The following CHRM2 variants were observed in gnomAD, a reference collection of about 807,000 sequenced individuals.
CHRM2 encodes the protein muscarinic acetylcholine receptor M2.
CHRM2 carries 8 observed loss-of-function variants against 25.0 expected under a neutral mutation model. The observed-to-expected ratio is 0.32, with a 90% confidence interval of 0.19 to 0.58. The LOEUF is 0.58. Among genes scored for constraint, CHRM2 ranks in the 20% least tolerant of loss-of-function variants. The pLI is 0.88. For missense variants in CHRM2, 440 were observed against 567.1 expected, an observed-to-expected ratio of 0.78 and a Z score of 2.28; for synonymous variants, 202 against 205.7, an observed-to-expected ratio of 0.98 and a Z score of 0.15.
At chr7:136,882,495 C>T (rs1014343387) in intron 2 of CHRM2, among the ~76,000 whole-genome samples, 5 of 151,780 alleles carry the variant, frequency 3.3e-5, no homozygotes. Flanking sequence ...ATTCTTGGCA[C>T]ATAGCAGAGC....
chr7:136,903,410 C>T lies in CHRM2; in HGVS notation c.-125+33992C>T, dbSNP rs866756637. The T allele has an allele frequency of 5.0e-5, 16 of 317,356 alleles. No individual in the cohort carries two copies. In the Middle Eastern group the frequency reaches 6.8e-3, roughly 135 times the overall value. 19.7% of individuals were successfully genotyped at this position (317,356 alleles called of 1,614,324 possible). On this transcript the variant is annotated intron_variant, in intron 2 of 3. Coordinates refer to ENST00000680005, the MANE Select transcript of CHRM2 (RefSeq NM_001006630.2). ...AATGGGAACAAAATTCACACCTCAG[C>T]ATCCAAGTATTTGTTATTTTTGTGG...
intron 3 of CHRM2, among the ~76,000 whole-genome samples, chr7:137,006,805 C>T (rs1260198785): frequency 2.0e-5 from 3 of 151,902 alleles, no homozygotes; most frequent in South Asian, 4.1e-4. Context: ...AATCTGCCGC[C>T]GTATGCTGTA....
At chr7:136,995,410 T>G (rs563614570) in intron 3 of CHRM2, among the ~76,000 whole-genome samples, 1 of 152,158 alleles carries the variant, frequency 6.6e-6, no homozygotes, top group Non-Finnish European at 1.5e-5. Flanking sequence ...TAAAAAATAT[T>G]TCTTGATATG....
intron 3 of CHRM2, among the ~76,000 whole-genome samples, chr7:136,998,602 G>T (rs573277399): frequency 6.6e-6 from 1 of 152,254 alleles, no homozygotes; most frequent in Admixed American, 6.5e-5. Context: ...CAAACTCAGA[G>T]AAATGAAATA....
Position 136,978,523 on chromosome 7 carries a change from A to G in CHRM2, c.-124-13664A>G, listed in dbSNP as rs950308994. Among the ~76,000 whole-genome samples, 24 of 152,160 alleles carry G rather than the reference A, an allele frequency of 1.6e-4. 1 individual carries two copies. The highest frequency in any genetic ancestry group is 5.6e-4 in the African/African-American group (23 of 41,424). Reference sequence around the variant, plus strand: ...ACGTGCAGGTTTGTTACATAGGTATACATGTGCCATGGTGGTTTGCTGCAC... The same window carrying G: ...ACGTGCAGGTTTGTTACATAGGTATGCATGTGCCATGGTGGTTTGCTGCAC... On this transcript the variant is annotated intron_variant, in intron 2 of 3. Coordinates refer to ENST00000680005, the MANE Select transcript of CHRM2 (RefSeq NM_001006630.2).
chr7:136,903,173 C>A lies in CHRM2; in HGVS notation c.-125+33755C>A, dbSNP rs375768209. ...AGGATCTCCCTTCACTTTATGGAGG[C>A]CTTGCTGGTTTGGAAAGTTCATTGT... On this transcript the variant is annotated intron_variant, in intron 2 of 3. Transcript: ENST00000680005. The A allele has an allele frequency of 1.3e-5, 7 of 534,034 alleles. No homozygotes were observed. The East Asian group carries it at 1.6e-4, about 12-fold the overall frequency. The allele number at this position is 534,034 out of a possible 1,614,324, so 33.1% of individuals were successfully genotyped here. A position where few individuals can be genotyped will look rare whatever the true frequency, so the allele number is the denominator to read the frequency against.
At position 136,994,521 on chromosome 7, in the gene CHRM2, C is replaced by CTTTTTT. The variant is rs757243972; in HGVS notation, c.-47+2278_-47+2283dup. 3.2e-3 allele frequency among the ~76,000 whole-genome samples: 226 copies of CTTTTTT among 71,356 alleles called. 1 individual carries two copies. Among genetic ancestry groups the CTTTTTT allele is most frequent in the Non-Finnish European group, 4.6e-3 (165 of 35,822 alleles). The allele number at this position is 71,356 out of a possible 152,430, so 46.8% of individuals were successfully genotyped here. On this transcript the variant is annotated intron_variant, in intron 3 of 3. Coordinates refer to ENST00000680005, the MANE Select transcript of CHRM2 (RefSeq NM_001006630.2). ...GTGCTTTCTGCTCTTTTTTTCTTTT[C>CTTTTTT]TTTTTTTTTTTTTTTTTTTTTTTTT...
At chr7:136,976,610 T>A (rs1413875827) in intron 2 of CHRM2, among the ~76,000 whole-genome samples, 2 of 152,124 alleles carry the variant, frequency 1.3e-5, no homozygotes, top group African/African-American at 4.8e-5. Flanking sequence ...TAGGACAAAA[T>A]AAAGGGAAAA....
chr7:136,942,620 A>C (rs1223805609), intron 2 of CHRM2, among the ~76,000 whole-genome samples: 1 of 152,052 alleles, frequency 6.6e-6, no homozygotes, highest in Non-Finnish European at 1.5e-5. Flanking sequence ...TTACCCTTTC[A>C]TTTAACACAT....
At chr7:136,920,750 T>C (rs1798383841) in intron 2 of CHRM2, among the ~76,000 whole-genome samples, 1 of 152,168 alleles carries the variant, frequency 6.6e-6, no homozygotes, top group African/African-American at 2.4e-5. Flanking sequence ...AAAAAGCCTC[T>C]AGTGACTCAG....
rs1795703091 is a variant in CHRM2, at chr7:136,868,970, T to G, written c.-305T>G. On this transcript the variant is annotated 5_prime_UTR_variant, in exon 1 of 4. Transcript: ENST00000680005. Reference sequence around the variant, plus strand: ...TCCAGGTCTCCATTCTATTTTGGTCTCCAGGCTCTTCGTGAAAGCCAGGTT... The same window carrying G: ...TCCAGGTCTCCATTCTATTTTGGTCGCCAGGCTCTTCGTGAAAGCCAGGTT... 1.3e-5 allele frequency: 2 copies of G among 152,462 alleles called. No individual in the cohort carries two copies. Among genetic ancestry groups the G allele is most frequent in the East Asian group, 3.9e-4 (2 of 5,176 alleles). 9.4% of individuals were successfully genotyped at this position (152,462 alleles called of 1,614,324 possible).
intron 2 of CHRM2, among the ~76,000 whole-genome samples, chr7:136,882,585 C>T (rs1426041404): frequency 1.3e-5 from 2 of 152,072 alleles, no homozygotes; most frequent in Non-Finnish European, 2.9e-5. Flanking sequence ...CAATCTGCTT[C>T]TTCTGTTGGT....
chr7:137,013,347 AT>A (rs1804951311), intron 3 of CHRM2, among the ~76,000 whole-genome samples: 1 of 151,924 alleles, frequency 6.6e-6, no homozygotes, highest in Non-Finnish European at 1.5e-5. Flanking sequence ...AGAAAAAATT[AT>A]TTTTTTAAAT....
intron 2 of CHRM2, among the ~76,000 whole-genome samples, chr7:136,900,716 TA>T (rs553501355): frequency 6.6e-6 from 1 of 151,996 alleles, no homozygotes; most frequent in Non-Finnish European, 1.5e-5. Context: ...ATCTTTTTTT[TA>T]AAAAAAGAAT....
rs377626973 is a variant in CHRM2 at position 137,014,899 on chromosome 7, C to T, written c.34C>T (p.Leu12=). The change falls in exon 4 of 4, where the codon CTG becomes TTG. Residue 12 remains leucine, a synonymous_variant. Coordinates refer to ENST00000680005, the MANE Select transcript of CHRM2 (RefSeq NM_001006630.2). ...CTCAACAAACTCCTCTAACAATAGCCTGGCTCTTACAAGTCCTTATAAGAC... is the reference window on the plus strand; with the variant it reads ...CTCAACAAACTCCTCTAACAATAGCTTGGCTCTTACAAGTCCTTATAAGAC... ...NNSTNSSNNS[L]ALTSPYKTFE... 44 of 1,613,036 alleles carry T rather than the reference C, an allele frequency of 2.7e-5. No homozygotes were observed. The highest frequency in any genetic ancestry group is 3.6e-5 in the Non-Finnish European group (43 of 1,179,486).
intron 2 of CHRM2, among the ~76,000 whole-genome samples, chr7:136,969,122 C>A (rs1184714147): frequency 6.6e-6 from 1 of 151,990 alleles, no homozygotes; most frequent in Non-Finnish European, 1.5e-5. Flanking sequence ...ACTTGAGGGG[C>A]ATTATGTAGA....
chr7:136,932,444 C>G (rs1290258629), intron 2 of CHRM2, among the ~76,000 whole-genome samples: 1 of 152,158 alleles, frequency 6.6e-6, no homozygotes, highest in Non-Finnish European at 1.5e-5. Flanking sequence ...CCTACCCAAT[C>G]TTTTCTAGTC....
At chr7:136,990,923 T>C (rs1384263702) in intron 2 of CHRM2, among the ~76,000 whole-genome samples, 1 of 152,132 alleles carries the variant, frequency 6.6e-6, no homozygotes, top group Non-Finnish European at 1.5e-5. Flanking sequence ...TTCTAATAAA[T>C]GTGTAGTAGT....
At chr7:137,008,755 C>T (rs534657717) in intron 3 of CHRM2, among the ~76,000 whole-genome samples, 1 of 152,146 alleles carries the variant, frequency 6.6e-6, no homozygotes, top group South Asian at 2.1e-4. Flanking sequence ...TCTTCATTTC[C>T]AAACTTTCTT....
Sources: allele counts gnomAD v4.1 joint callset (sites outside exome capture counted in the v4.1 genomes callset), GRCh38; gene constraint gnomAD v4.1.1; transcripts MANE v1.5; gene names NCBI Gene and HGNC (gene_info 2026-07-23, HGNC 2026-07-21).